Variants in PPP3CA observed in about 807,000 individuals in gnomAD.
The protein encoded by PPP3CA is protein phosphatase 3 catalytic subunit alpha.
A neutral mutation model predicts 66.5 loss-of-function variants in PPP3CA; 14 were observed. That is an observed-to-expected ratio of 0.21 (90% CI 0.14 to 0.33). The LOEUF (loss-of-function observed/expected upper bound fraction) is 0.33. Ranked by LOEUF, PPP3CA falls within the 10% of genes least tolerant of loss-of-function variation. The probability of loss-of-function intolerance (pLI) is 1.00; values close to 1 mark genes in which losing one functional copy is unlikely to be tolerated. For synonymous variants in PPP3CA, 232 were observed against 226.2 expected, an observed-to-expected ratio of 1.03 and a Z score of -0.23; for missense variants, 317 against 639.5, an observed-to-expected ratio of 0.50 and a Z score of 5.44.
chr4:101,214,339 T>TTAA (rs148221856), intron 1 of PPP3CA, among the ~76,000 whole-genome samples: 16 of 151,800 alleles, frequency 1.1e-4, no homozygotes, highest in Admixed American at 3.3e-4. Flanking sequence ...GTTGTGAGGA[T>TTAA]TAATAATAAT....
intron 1 of PPP3CA, among the ~76,000 whole-genome samples, chr4:101,342,836 A>C (rs908242880): frequency 1.3e-5 from 2 of 152,158 alleles, no homozygotes; most frequent in African/African-American, 4.8e-5. Context: ...CGAATGTGAC[A>C]TATTTGTTTT....
intron 1 of PPP3CA, among the ~76,000 whole-genome samples, chr4:101,224,078 A>C (rs1328804697): frequency 1.3e-5 from 2 of 151,800 alleles, no homozygotes; most frequent in Non-Finnish European, 2.9e-5. Flanking sequence ...ATAACATAAA[A>C]GGTGTGAAGC....
intron 1 of PPP3CA, among the ~76,000 whole-genome samples, chr4:101,251,158 T>A (rs1460724952): frequency 6.6e-6 from 1 of 152,084 alleles, no homozygotes; most frequent in East Asian, 1.9e-4. Flanking sequence ...CATGGGCTCA[T>A]AAAATTATAT....
chr4:101,077,293 T>C (rs1325640391), intron 8 of PPP3CA, among the ~76,000 whole-genome samples: 1 of 152,266 alleles, frequency 6.6e-6, no homozygotes, highest in Non-Finnish European at 1.5e-5. Context: ...ATAGTATTAC[T>C]GCTGTCTTAA....
At chr4:101,070,221 C>T (rs149358646) in intron 8 of PPP3CA, among the ~76,000 whole-genome samples, 1 of 151,802 alleles carries the variant, frequency 6.6e-6, no homozygotes, top group African/African-American at 2.4e-5. Flanking sequence ...ATGGTTGATG[C>T]TTAATTGTGT....
chr4:101,148,811 A>G (rs1723047049), intron 2 of PPP3CA, among the ~76,000 whole-genome samples: 2 of 152,168 alleles, frequency 1.3e-5, no homozygotes, highest in African/African-American at 4.8e-5. Flanking sequence ...ACATGTTACC[A>G]TGACACCTTT....
chr4:101,301,683 G>A (rs1296439252), intron 1 of PPP3CA, among the ~76,000 whole-genome samples: 5 of 148,706 alleles, frequency 3.4e-5, no homozygotes, highest in African/African-American at 1.2e-4. Context: ...CAGTAGAGAC[G>A]GGGTTTCACC....
chr4:101,346,100 C>G (rs1729979544), intron 1 of PPP3CA, among the ~76,000 whole-genome samples: 1 of 151,920 alleles, frequency 6.6e-6, no homozygotes, highest in South Asian at 2.1e-4. Flanking sequence ...CAGCGACCGC[C>G]CCCGCCCCCG....
At chr4:101,087,035 CCTT>C (rs1042043044) in intron 6 of PPP3CA, among the ~76,000 whole-genome samples, 2 of 152,198 alleles carry the variant, frequency 1.3e-5, no homozygotes, top group African/African-American at 4.8e-5. Flanking sequence ...TCTTTGGTGT[CCTT>C]CTCCTCTTCC....
At chr4:101,124,710 AAAG>A (rs1722156273) in intron 2 of PPP3CA, among the ~76,000 whole-genome samples, 1 of 99,192 alleles carries the variant, frequency 1.0e-5, no homozygotes, top group East Asian at 2.7e-4. Flanking sequence ...AGAAAGAAAG[AAAG>A]AAAGAAAGAA....
intron 1 of PPP3CA, among the ~76,000 whole-genome samples, chr4:101,263,007 T>C (rs28379119): frequency 0.038 from 5,770 of 152,194 alleles, 348 homozygotes; most frequent in African/African-American, 0.13. Context: ...CCACAGCAGC[T>C]ATAAAGAGAA....
intron 2 of PPP3CA, among the ~76,000 whole-genome samples, chr4:101,116,563 A>C (rs188969046): frequency 1.3e-5 from 2 of 151,854 alleles, no homozygotes; most frequent in Non-Finnish European, 2.9e-5. Context: ...TTATGGAACC[A>C]TAAGTGGATG....
At chr4:101,163,649 G>A (rs1173369222) in intron 2 of PPP3CA, among the ~76,000 whole-genome samples, 2 of 151,954 alleles carry the variant, frequency 1.3e-5, no homozygotes, top group East Asian at 1.9e-4. Context: ...TCACACTTGC[G>A]TAAGCCCTGG....
chr4:101,215,406 T>C (rs1725423731), intron 1 of PPP3CA, among the ~76,000 whole-genome samples: 2 of 152,094 alleles, frequency 1.3e-5, no homozygotes, highest in South Asian at 4.1e-4. Flanking sequence ...ATGCTTTAAT[T>C]ACATGCATTA....
intron 1 of PPP3CA, among the ~76,000 whole-genome samples, chr4:101,211,133 C>T (rs1341428939): frequency 6.6e-6 from 1 of 152,176 alleles, no homozygotes; most frequent in South Asian, 2.1e-4. Flanking sequence ...AATGAAATGA[C>T]TTTGCCAAGA....
At chr4:101,028,848 T>C (rs1367850888) in intron 13 of PPP3CA, among the ~76,000 whole-genome samples, 1 of 152,174 alleles carries the variant, frequency 6.6e-6, no homozygotes, top group Non-Finnish European at 1.5e-5. Context: ...TCAAAGATTA[T>C]TGTTTTATAA....
intron 1 of PPP3CA, among the ~76,000 whole-genome samples, chr4:101,254,090 T>A (rs1253022294): frequency 1.3e-5 from 2 of 152,078 alleles, no homozygotes; most frequent in South Asian, 2.1e-4. Context: ...AAGACATATA[T>A]CCAAAGAGGC....
intron 1 of PPP3CA, among the ~76,000 whole-genome samples, chr4:101,308,901 T>C (rs1213288242): frequency 6.6e-6 from 1 of 152,206 alleles, no homozygotes; most frequent in Non-Finnish European, 1.5e-5. Flanking sequence ...CAGAGTTTTC[T>C]ACAAAGACCT....
At chr4:101,305,100 A>G (rs1728492274) in intron 1 of PPP3CA, among the ~76,000 whole-genome samples, 1 of 152,228 alleles carries the variant, frequency 6.6e-6, no homozygotes, top group Admixed American at 6.5e-5. Flanking sequence ...AACAAGAGAC[A>G]GCAGAACCAC....
Sources: allele counts gnomAD v4.1 joint callset (sites outside exome capture counted in the v4.1 genomes callset), GRCh38; gene constraint gnomAD v4.1.1; transcripts MANE v1.5; gene names NCBI Gene and HGNC (gene_info 2026-07-23, HGNC 2026-07-21).